The following EPHA6 variants were observed in gnomAD, a reference collection of about 807,000 sequenced individuals.
EPHA6 encodes the protein EPH receptor A6, also known as ephrin type-A receptor 6.
EPHA6 carries 50 observed loss-of-function variants against 112.0 expected under a neutral mutation model. The observed-to-expected ratio is 0.45, with a 90% CI of 0.36 to 0.56. The LOEUF is 0.56. EPHA6 is among the 20% of genes least tolerant of loss of function. The pLI is 0.00. For synonymous variants in EPHA6, 529 were observed against 490.7 expected, an observed-to-expected ratio of 1.08 and a Z score of -1.03; for missense variants, 1,280 against 1,417.4, an observed-to-expected ratio of 0.90 and a Z score of 1.56.
At chr3:97,066,232 G>A (rs1184324003) in intron 3 of EPHA6, among the ~76,000 whole-genome samples, 1 of 151,812 alleles carries the variant, frequency 6.6e-6, no homozygotes, top group Non-Finnish European at 1.5e-5. Flanking sequence ...TAGAATATTT[G>A]GCAATGCCTA....
chr3:97,728,238 A>G (rs1310695020), intron 15 of EPHA6, among the ~76,000 whole-genome samples: 1 of 128,988 alleles, frequency 7.8e-6, no homozygotes, highest in Non-Finnish European at 1.6e-5. Flanking sequence ...TTCTAAAATC[A>G]AAATGATCCA....
At chr3:97,297,104 G>A (rs1233175168) in intron 5 of EPHA6, among the ~76,000 whole-genome samples, 1 of 152,106 alleles carries the variant, frequency 6.6e-6, no homozygotes, top group African/African-American at 2.4e-5. Flanking sequence ...CTAGTCAGAG[G>A]CCCTGTGAGG....
intron 5 of EPHA6, among the ~76,000 whole-genome samples, chr3:97,327,872 T>A (rs911592303): frequency 6.7e-5 from 10 of 148,780 alleles, no homozygotes; most frequent in African/African-American, 2.5e-4. Context: ...TGTATATATA[T>A]ATGTATATGT....
At chr3:96,964,474 G>T (rs1452541402) in intron 2 of EPHA6, among the ~76,000 whole-genome samples, 1 of 152,150 alleles carries the variant, frequency 6.6e-6, no homozygotes, top group African/African-American at 2.4e-5. Flanking sequence ...GAATTGTTTT[G>T]TGACTGTGTT....
intron 5 of EPHA6, among the ~76,000 whole-genome samples, chr3:97,365,460 G>A (rs917558742): frequency 5.3e-5 from 8 of 151,508 alleles, no homozygotes; most frequent in Admixed American, 4.6e-4. Flanking sequence ...GCGTGATCTC[G>A]GCTCACTGCA....
intron 5 of EPHA6, among the ~76,000 whole-genome samples, chr3:97,276,509 T>C (rs2080086376): frequency 6.6e-6 from 1 of 152,036 alleles, no homozygotes; most frequent in Non-Finnish European, 1.5e-5. Flanking sequence ...CGTTTGGAAG[T>C]TCTTGTGTGC....
intron 11 of EPHA6, among the ~76,000 whole-genome samples, chr3:97,551,226 G>A (rs2093024631): frequency 6.6e-6 from 1 of 152,042 alleles, no homozygotes; most frequent in East Asian, 1.9e-4. Flanking sequence ...TATCTAGTCT[G>A]TATCTTGTAT....
intron 5 of EPHA6, among the ~76,000 whole-genome samples, chr3:97,294,226 C>T (rs1184272258): frequency 1.3e-5 from 2 of 152,218 alleles, no homozygotes; most frequent in Admixed American, 6.5e-5. Context: ...CACCTTTTCT[C>T]AGCCCCCACT....
At chr3:97,737,553 C>G (rs904915602) in intron 16 of EPHA6, among the ~76,000 whole-genome samples, 2 of 151,868 alleles carry the variant, frequency 1.3e-5, no homozygotes, top group Admixed American at 1.3e-4. Flanking sequence ...AGATGTTTGT[C>G]AAGTTTCTTT....
chr3:97,715,055 CT>C (rs1211349180), intron 14 of EPHA6, among the ~76,000 whole-genome samples: 1 of 152,204 alleles, frequency 6.6e-6, no homozygotes, highest in Non-Finnish European at 1.5e-5. Flanking sequence ...TACTTTCCCT[CT>C]TGCTTACCAC....
chr3:96,966,960 G>A (rs1263868883), intron 2 of EPHA6, among the ~76,000 whole-genome samples: 1 of 151,836 alleles, frequency 6.6e-6, no homozygotes, highest in Non-Finnish European at 1.5e-5. Flanking sequence ...TTAATTATGT[G>A]TAGCATTTAG....
At chr3:97,176,662 T>G (rs557891922) in intron 3 of EPHA6, among the ~76,000 whole-genome samples, 8 of 152,050 alleles carry the variant, frequency 5.3e-5, no homozygotes, top group African/African-American at 1.9e-4. Flanking sequence ...TTCTTCCAGG[T>G]TTTTCAATTT....
chr3:97,743,358 T>C (rs1193639979), intron 16 of EPHA6, among the ~76,000 whole-genome samples: 2 of 152,094 alleles, frequency 1.3e-5, no homozygotes, highest in African/African-American at 2.4e-5. Context: ...GAGAGATGTG[T>C]TCCTGCCCTC....
At chr3:96,960,160 A>G (rs1352429727) in intron 2 of EPHA6, among the ~76,000 whole-genome samples, 1 of 152,080 alleles carries the variant, frequency 6.6e-6, no homozygotes, top group Non-Finnish European at 1.5e-5. Flanking sequence ...GTACTTTGGT[A>G]AGGACTATTT....
chr3:96,910,997 A>AAAG (rs1452444902), intron 2 of EPHA6, among the ~76,000 whole-genome samples: 1 of 152,012 alleles, frequency 6.6e-6, no homozygotes, highest in East Asian at 1.9e-4. Flanking sequence ...TGCCTTATGA[A>AAAG]ATTGTTTACT....
chr3:97,169,135 A>G (rs2076621901), intron 3 of EPHA6, among the ~76,000 whole-genome samples: 1 of 152,126 alleles, frequency 6.6e-6, no homozygotes, highest in Non-Finnish European at 1.5e-5. Context: ...TTCAGCGTTG[A>G]AAGAGGTTGT....
intron 13 of EPHA6, among the ~76,000 whole-genome samples, chr3:97,635,972 A>G (rs142340600): frequency 6.6e-6 from 1 of 151,902 alleles, no homozygotes; most frequent in African/African-American, 2.4e-5. Context: ...GAATTTTCTG[A>G]CTCATTAAAA....
At position 97,178,007 on chromosome 3, in the gene EPHA6, T is replaced by C. The variant is rs951254593; in HGVS notation, c.1115-48257T>C. On this transcript the variant is annotated intron_variant, in intron 3 of 17. Coordinates refer to ENST00000389672, the MANE Select transcript of EPHA6 (RefSeq NM_001080448.3). ...GCCATTTTGTGACTTGGTTTTCTGATTGTTTTGTCATCTTCTCTTCTTTGT... is the reference window on the plus strand; with the variant it reads ...GCCATTTTGTGACTTGGTTTTCTGACTGTTTTGTCATCTTCTCTTCTTTGT... Among the ~76,000 whole-genome samples the C allele has an allele frequency of 6.6e-5, 10 of 152,032 alleles. No homozygotes were observed. The East Asian group carries it at 1.9e-3, about 29-fold the overall frequency.
At chr3:97,394,234 C>T (rs923060706) in intron 5 of EPHA6, among the ~76,000 whole-genome samples, 1 of 151,728 alleles carries the variant, frequency 6.6e-6, no homozygotes, top group African/African-American at 2.4e-5. Flanking sequence ...AAGAATGAAA[C>T]TAGATCCCTG....
Sources: allele counts gnomAD v4.1 joint callset (sites outside exome capture counted in the v4.1 genomes callset), GRCh38; gene constraint gnomAD v4.1.1; transcripts MANE v1.5; gene names NCBI Gene and HGNC (gene_info 2026-07-23, HGNC 2026-07-21).